The following TMEM232 variants were observed in gnomAD, a reference collection of about 807,000 sequenced individuals.
The protein encoded by TMEM232 is transmembrane protein 232.
In TMEM232, 80 loss-of-function variants were observed where a neutral mutation model predicts 78.8. The ratio of observed to expected loss-of-function variants is 1.01; its 90% CI spans 0.85 to 1.22. The LOEUF is 1.22. TMEM232 is among the 50% of genes most tolerant of loss of function. TMEM232 has a pLI of 0.00. For synonymous variants in TMEM232, 297 were observed against 254.3 expected, an observed-to-expected ratio of 1.17 and a Z score of -1.60; for missense variants, 881 against 742.2, an observed-to-expected ratio of 1.19 and a Z score of -2.17.
At chr5:110,537,455 C>A (rs114925471) in intron 11 of TMEM232, among the ~76,000 whole-genome samples, 2 of 152,022 alleles carry the variant, frequency 1.3e-5, no homozygotes, top group East Asian at 3.9e-4. Flanking sequence ...ACCTTCATGG[C>A]CCTATACCAA....
chr5:110,471,212 A>G (rs1762639453), intron 12 of TMEM232, among the ~76,000 whole-genome samples: 1 of 152,172 alleles, frequency 6.6e-6, no homozygotes, highest in South Asian at 2.1e-4. Context: ...AGAAGAAAGA[A>G]AAACATAAGA....
chr5:110,625,425 A>G lies in TMEM232; in HGVS notation c.610T>C (p.Phe204Leu). The G allele has an allele frequency of 6.6e-7, 1 of 1,520,658 alleles. No homozygotes were observed. The highest frequency in any genetic ancestry group is 1.4e-5 in the African/African-American group (1 of 71,724). 94.2% of individuals were successfully genotyped at this position (1,520,658 alleles called of 1,614,324 possible). ...TACTTGTGATATGATGCTCCAGAGA[A>G]AGAAAGTGCTATTGTAAGAAAAATC... is the stretch of plus-strand genomic sequence containing the variant. ...RLQPYLYALS[F>L]SGASYHKYPN... The change falls in exon 7 of 14, where the codon TTC (phenylalanine) becomes CTC (leucine). Residue 204 changes from phenylalanine to leucine, a missense_variant. Physicochemically the swap from Phe to Leu is conservative, Grantham distance 22 (BLOSUM62 0). Transcript: ENST00000455884.
chr5:110,705,894 C>T (rs765685611), intron 1 of TMEM232, among the ~76,000 whole-genome samples: 5 of 151,722 alleles, frequency 3.3e-5, no homozygotes, highest in African/African-American at 9.7e-5. Context: ...CTAATTTCAA[C>T]CCCCCTCCAA....
At chr5:110,398,282 G>A (rs547389032) in intron 2 of TMEM232, among the ~76,000 whole-genome samples, 1 of 152,256 alleles carries the variant, frequency 6.6e-6, no homozygotes, top group African/African-American at 2.4e-5. Flanking sequence ...TGTCACTAAT[G>A]TGTATAACAA....
At chr5:110,628,635 A>G (rs1385417357) in intron 5 of TMEM232, among the ~76,000 whole-genome samples, 1 of 151,306 alleles carries the variant, frequency 6.6e-6, no homozygotes, top group Non-Finnish European at 1.5e-5. Context: ...GAGAAGACCC[A>G]AATAACAGCA....
At chr5:110,394,615 AG>A (rs146469472) in intron 3 of TMEM232, among the ~76,000 whole-genome samples, 9,797 of 152,188 alleles carry the variant, frequency 0.064, 666 homozygotes, top group African/African-American at 0.17. Flanking sequence ...TGTATCCCAT[AG>A]GTTTGCGTCT....
intron 1 of TMEM232, among the ~76,000 whole-genome samples, chr5:110,718,285 T>G (rs1007526564): frequency 2.0e-5 from 3 of 152,142 alleles, no homozygotes; most frequent in South Asian, 2.1e-4. Context: ...GGCTTTCAGA[T>G]AGGTGATTAA....
chr5:110,605,039 T>G (rs1006000875), intron 10 of TMEM232, 70 bp downstream of exon 10: 171 of 1,378,330 alleles, frequency 1.2e-4, no homozygotes, highest in Non-Finnish European at 1.5e-4. Flanking sequence ...TTGAGTAGAA[T>G]GCTTATTACT....
intron 2 of TMEM232, among the ~76,000 whole-genome samples, chr5:110,408,344 C>G (rs372382648): frequency 2.0e-5 from 3 of 152,136 alleles, no homozygotes; most frequent in African/African-American, 7.2e-5. Flanking sequence ...GTAATCCCAG[C>G]ACTTTGGCAG....
At chr5:110,725,653 G>A (rs1798078329) in intron 1 of TMEM232, 1 of 152,160 alleles carries the variant, frequency 6.6e-6, no homozygotes, top group Non-Finnish European at 1.5e-5. Flanking sequence ...AAAGAGAAAT[G>A]TTTCAGCTCA....
At chr5:110,555,572 TTGA>T (rs1774976909) in intron 11 of TMEM232, among the ~76,000 whole-genome samples, 1 of 152,198 alleles carries the variant, frequency 6.6e-6, no homozygotes, top group Non-Finnish European at 1.5e-5. Flanking sequence ...GTTTTCTGCC[TTGA>T]TGATCTCTCT....
intron 3 of TMEM232, among the ~76,000 whole-genome samples, chr5:110,395,005 C>T (rs1001149403): frequency 2.6e-5 from 4 of 152,116 alleles, no homozygotes; most frequent in Non-Finnish European, 5.9e-5. Context: ...CAGTGTTCAC[C>T]TGGCATTGTT....
chr5:110,732,839 G>A (rs1430681261), intron 2 of TMEM232, among the ~76,000 whole-genome samples: 1 of 152,118 alleles, frequency 6.6e-6, no homozygotes, highest in African/African-American at 2.4e-5. Flanking sequence ...GTCAAAAAGA[G>A]AAAGGAAAGC....
At chr5:110,688,789 C>A (rs1391783521) in intron 1 of TMEM232, among the ~76,000 whole-genome samples, 1 of 152,188 alleles carries the variant, frequency 6.6e-6, no homozygotes, top group African/African-American at 2.4e-5. Flanking sequence ...CACCTTTTGG[C>A]TGCTAAATAA....
chr5:110,725,441 A>C (rs1312571078), intron 1 of TMEM232, among the ~76,000 whole-genome samples: 1 of 152,222 alleles, frequency 6.6e-6, no homozygotes, highest in Non-Finnish European at 1.5e-5. Flanking sequence ...CTGGATGGAC[A>C]ATGAACTTCA....
intron 11 of TMEM232, among the ~76,000 whole-genome samples, chr5:110,547,932 A>C (rs759230017): frequency 4.4e-4 from 64 of 144,832 alleles, no homozygotes; most frequent in Admixed American, 1.9e-3. Context: ...CGGGAGGCGA[A>C]GGTTGCAGTG....
intron 12 of TMEM232, among the ~76,000 whole-genome samples, chr5:110,525,686 C>T (rs1317209394): frequency 1.3e-5 from 2 of 151,274 alleles, no homozygotes; most frequent in African/African-American, 2.4e-5. Flanking sequence ...CAAGCTAATT[C>T]TAAATTTGAT....
intron 12 of TMEM232, among the ~76,000 whole-genome samples, chr5:110,444,078 G>A (rs1470094347): frequency 6.6e-6 from 1 of 152,128 alleles, no homozygotes; most frequent in South Asian, 2.1e-4. Flanking sequence ...CACTCCCTTC[G>A]CTGCCCTGGC....
In TMEM232 at chr5:110,460,552, C is replaced by T. The variant is rs538315757; in HGVS notation, c.1704-35636G>A. Among the ~76,000 whole-genome samples the T allele has an allele frequency of 2.0e-5, 3 of 152,190 alleles. No individual in the cohort carries two copies. The East Asian group carries it at 5.8e-4, about 29-fold the overall frequency. On this transcript the variant is annotated intron_variant, in intron 12 of 13. Coordinates refer to ENST00000455884, the MANE Select transcript of TMEM232 (RefSeq NM_001039763.4). ...TTTTGCTTAAATCAATTTTGGGACA[C>T]TAAAAATATTGCCTTTAAGTATAAT...
Sources: allele counts gnomAD v4.1 joint callset (sites outside exome capture counted in the v4.1 genomes callset), GRCh38; gene constraint gnomAD v4.1.1; transcripts MANE v1.5; gene names NCBI Gene and HGNC (gene_info 2026-07-23, HGNC 2026-07-21).